The following MEG3 variants were observed in gnomAD, a reference collection of about 807,000 sequenced individuals.
The protein encoded by MEG3 is Very putative protein from MEG3 locus.
chr14:100,829,157 C>T (rs1005820438), exon 3 of MEG3: 3 of 152,202 alleles, frequency 2.0e-5, no homozygotes, highest in Non-Finnish European at 2.9e-5. Flanking sequence ...GTCCCTCTTA[C>T]CTAAAGACTT....
At chr14:100,832,968 C>T (rs2037440634), downstream of MEG3, 1 of 152,262 alleles carries the variant, frequency 6.6e-6, no homozygotes, top group South Asian at 2.1e-4. Context: ...ATCTCAGGAC[C>T]CATTGAGGAC....
chr14:100,841,355 TC>T (rs1419298248), intron 2 of MEG3, among the ~76,000 whole-genome samples: 10 of 152,206 alleles, frequency 6.6e-5, no homozygotes, highest in African/African-American at 2.4e-4. Context: ...CCCTTAGGCC[TC>T]AGTTTTCCCG....
At chr14:100,838,434 C>T (rs2037652844) in intron 2 of MEG3, among the ~76,000 whole-genome samples, 2 of 152,166 alleles carry the variant, frequency 1.3e-5, no homozygotes, top group African/African-American at 2.4e-5. Context: ...GAAGTTGAAA[C>T]GTGACTTACT....
intron 2 of MEG3, among the ~76,000 whole-genome samples, chr14:100,841,043 A>T (rs1026966578): frequency 6.6e-6 from 1 of 152,082 alleles, no homozygotes; most frequent in Non-Finnish European, 1.5e-5. Flanking sequence ...CCAGGAGAGG[A>T]GGGGGTCATG....
At chr14:100,830,947 A>C (rs1384098689), downstream of MEG3, 1 of 152,614 alleles carries the variant, frequency 6.6e-6, no homozygotes, top group Non-Finnish European at 1.5e-5. Context: ...GGCTATTAGG[A>C]GGGGACCTTT....
chr14:100,835,994 C>T (rs1032965116), intron 1 of MEG3: 1 of 343,798 alleles, frequency 2.9e-6, no homozygotes. Context: ...GCCCCTAACC[C>T]AGCCCGTTGC....
At chr14:100,847,316 G>T (rs886898709) in intron 3 of MEG3, 7 of 152,216 alleles carry the variant, frequency 4.6e-5, no homozygotes, top group Non-Finnish European at 1.5e-5. Context: ...AGTCTACATT[G>T]CGTGTGTGGA....
chr14:100,840,519 G>GA (rs1191995510), intron 2 of MEG3, among the ~76,000 whole-genome samples: 1 of 152,122 alleles, frequency 6.6e-6, no homozygotes, highest in African/African-American at 2.4e-5. Context: ...ATGAAAAGAA[G>GA]AAAACGTCAA....
chr14:100,826,818 A>C (rs2037245325), intron 1 of MEG3, among the ~76,000 whole-genome samples: 1 of 152,134 alleles, frequency 6.6e-6, no homozygotes, highest in Admixed American at 6.5e-5. Context: ...ATGTGGAGTA[A>C]AATTTCTACC....
At chr14:100,834,492 G>C in exon 1 of MEG3, 1 of 317,584 alleles carries the variant, frequency 3.1e-6, no homozygotes, top group Non-Finnish European at 6.2e-6. Flanking sequence ...CTGAGGCACC[G>C]GCAGAGGGGT....
intron 2 of MEG3, among the ~76,000 whole-genome samples, chr14:100,843,504 G>C (rs2037820804): frequency 6.6e-6 from 1 of 152,208 alleles, no homozygotes; most frequent in East Asian, 1.9e-4. Context: ...ACTGATCATT[G>C]CTTCACTAAC....
downstream of MEG3, chr14:100,829,519 T>C (rs540201166): frequency 1.7e-4 from 26 of 152,332 alleles, no homozygotes; most frequent in African/African-American, 5.8e-4. Context: ...TTCCTATCCT[T>C]TTCTGGGGGA....
upstream of MEG3, chr14:100,852,259 G>A (rs890370628): frequency 4.0e-6 from 2 of 496,812 alleles, no homozygotes; most frequent in African/African-American, 3.9e-5. Context: ...AGGAATCAAA[G>A]CTATGGGGTT....
downstream of MEG3, chr14:100,832,899 A>T (rs1196677986): frequency 6.6e-6 from 1 of 152,256 alleles, no homozygotes; most frequent in Non-Finnish European, 1.5e-5. Context: ...TTTCTTCAAG[A>T]GCTGAGGACT....
upstream of MEG3, chr14:100,857,182 C>G (rs1324045232): frequency 6.6e-6 from 1 of 152,196 alleles, no homozygotes; most frequent in Admixed American, 6.5e-5. Context: ...GTTTGAAGAG[C>G]AGGAGCCTTG....
upstream of MEG3, chr14:100,854,329 C>A (rs2038174836): frequency 6.6e-6 from 1 of 152,192 alleles, no homozygotes; most frequent in Non-Finnish European, 1.5e-5. Context: ...TCCTTTGGGT[C>A]ATGGCTTTCT....
chr14:100,843,395 C>T (rs1231478756), intron 2 of MEG3, among the ~76,000 whole-genome samples: 2 of 151,952 alleles, frequency 1.3e-5, no homozygotes, highest in Non-Finnish European at 2.9e-5. Context: ...CGCACAGTCT[C>T]GGAGGGAGGG....
chr14:100,834,963 A>AGCACGCCCACGGCCCTGGTCTGGCCTGG, exon 1 of MEG3: 1 of 394,032 alleles, frequency 2.5e-6, no homozygotes, highest in Non-Finnish European at 5.2e-6. Context: ...ATCCTAACTG[A>AGCACGCCCACGGCCCTGGTCTGGCCTGG]GCACGCCCAC....
chr14:100,860,359 T>C (rs889504719), intron 1 of MEG3: 12 of 308,408 alleles, frequency 3.9e-5, no homozygotes, highest in African/African-American at 2.7e-4. Flanking sequence ...TTAGAGAGGC[T>C]GAGAGTCCTG....
Sources: gnomAD v4.1 joint callset for allele counts (sites outside exome capture counted in the v4.1 genomes callset) on GRCh38, gnomAD v4.1.1 for gene constraint, MANE v1.5 for transcripts, NCBI Gene and HGNC (gene_info 2026-07-23, HGNC 2026-07-21) for gene names.